The following FAAH2 variants were observed in gnomAD, a reference collection of about 807,000 sequenced individuals.
The protein encoded by FAAH2 is fatty acid amide hydrolase 2, also known as fatty-acid amide hydrolase 2.
FAAH2 carries 60 observed loss-of-function variants against 36.9 expected under a neutral mutation model. The ratio of observed to expected loss-of-function variants is 1.63; its 90% CI spans 1.32 to 2.02. The LOEUF is 2.02. Ranked by LOEUF, FAAH2 falls within the 30% of genes most tolerant of loss-of-function variation. The pLI is 0.00. For missense variants in FAAH2, 689 were observed against 397.5 expected (o/e 1.73, Z -6.23); for synonymous variants, 214 against 143.8 (o/e 1.49, Z -3.49).
chrX:57,425,564 A>G (rs2056141006), intron 7 of FAAH2, among the ~76,000 whole-genome samples: 1 of 111,885 alleles, frequency 8.9e-6, no homozygotes, highest in Non-Finnish European at 1.9e-5. Context: ...TTCTATTTCT[A>G]GAGTTCTTCA....
the FAAH2 span, among the ~76,000 whole-genome samples, chrX:57,273,350 G>T: frequency 9.0e-6 from 1 of 111,230 alleles, no homozygotes; most frequent in Non-Finnish European, 1.9e-5. Flanking sequence ...TAGACAGTTC[G>T]AGGAGACAGA....
the FAAH2 span, among the ~76,000 whole-genome samples, chrX:57,175,698 G>T: frequency 2.0e-4 from 22 of 111,043 alleles, no homozygotes; most frequent in Non-Finnish European, 3.6e-4. Context: ...GTTCTATTCT[G>T]GTCTATATTG....
chrX:57,463,746 GGAAACAACAGTTGCTGGTCAGGATGTGGA>G (rs1306121423), intron 10 of FAAH2, among the ~76,000 whole-genome samples: 1 of 111,598 alleles, frequency 9.0e-6, no homozygotes, highest in Non-Finnish European at 1.9e-5. Context: ...TAAAAAGTCT[GGAAACAACAGTTGCTGGTCAGGATGTGGA>G]GAAATAGGAA....
At chrX:57,411,214 GCTGCAAAGCGAGAC>G (rs779593662) in intron 7 of FAAH2, among the ~76,000 whole-genome samples, 51 of 111,957 alleles carry the variant, frequency 4.6e-4, no homozygotes, top group African/African-American at 1.5e-3. Flanking sequence ...TTCTCTCTAT[GCTGCAAAGCGAGAC>G]CTGGTGCTCT....
At chrX:57,384,340 C>A (rs5960264) in intron 7 of FAAH2, among the ~76,000 whole-genome samples, 44,269 of 94,070 alleles carry the variant, frequency 0.47, 12,385 homozygotes, top group Non-Finnish European at 0.7. Context: ...TAATTAAACT[C>A]AAGAGCTTCT....
chrX:57,348,774 C>A (rs1427441870), intron 5 of FAAH2, among the ~76,000 whole-genome samples: 2 of 110,517 alleles, frequency 1.8e-5, no homozygotes, highest in Non-Finnish European at 3.8e-5. Context: ...TATAGAAACA[C>A]CTTCAGGAAA....
At chrX:57,149,381 T>C in the FAAH2 span, among the ~76,000 whole-genome samples, 8 of 111,935 alleles carry the variant, frequency 7.1e-5, no homozygotes, top group African/African-American at 2.6e-4. Context: ...TGAATCCATC[T>C]GGTCCTGGAC....
At chrX:57,272,198 G>A in the FAAH2 span, among the ~76,000 whole-genome samples, 8 of 105,151 alleles carry the variant, frequency 7.6e-5, no homozygotes, top group Admixed American at 4.2e-4. Context: ...GACAAGATCA[G>A]AGAAAAAAAA....
intron 2 of FAAH2, among the ~76,000 whole-genome samples, chrX:57,295,650 G>A (rs1256629946): frequency 8.9e-6 from 1 of 112,258 alleles, no homozygotes; most frequent in Non-Finnish European, 1.9e-5. Flanking sequence ...AGCAGCAGCA[G>A]GGCGAGGCAT....
intron 7 of FAAH2, among the ~76,000 whole-genome samples, chrX:57,395,791 G>A (rs771570561): frequency 3.6e-5 from 4 of 111,798 alleles, no homozygotes; most frequent in Non-Finnish European, 7.5e-5. Context: ...TATGCACCAG[G>A]TATGTTAGCT....
rs948922481 is a variant in FAAH2, at chrX:57,476,460, C to A, written c.1424-12297C>A. Among the ~76,000 whole-genome samples, 21 of 111,391 alleles carry A rather than the reference C, an allele frequency of 1.9e-4. No individual in the cohort carries two copies. In the Admixed American group the frequency reaches 1.9e-3, roughly 10 times the overall value. ...TCTGCATCTATCATGTGGATTTTGT[C>A]ACTGGTTCTGTTTATCTGATGGATT... On this transcript the variant is annotated intron_variant, in intron 10 of 10. Coordinates refer to ENST00000374900, the MANE Select transcript of FAAH2 (RefSeq NM_174912.4).
chrX:57,359,817 G>T (rs1462615758), intron 5 of FAAH2, among the ~76,000 whole-genome samples: 1 of 111,448 alleles, frequency 9.0e-6, no homozygotes, highest in East Asian at 2.8e-4. Context: ...AGTGTCTTTT[G>T]ATTTCAACTT....
At chrX:57,466,150 CTCTCTCTATATATA>C (rs2057044172) in intron 10 of FAAH2, among the ~76,000 whole-genome samples, 1 of 75,667 alleles carries the variant, frequency 1.3e-5, no homozygotes, top group Non-Finnish European at 2.4e-5. Context: ...CTCTCTCTCT[CTCTCTCTATATATA>C]TATATATATA....
At chrX:57,444,114 G>T (rs983641070) in intron 8 of FAAH2, among the ~76,000 whole-genome samples, 1 of 111,990 alleles carries the variant, frequency 8.9e-6, no homozygotes, top group Non-Finnish European at 1.9e-5. Context: ...TGCATGCTGG[G>T]AGAACCAGTA....
the FAAH2 span, among the ~76,000 whole-genome samples, chrX:57,257,108 T>C: frequency 2.7e-5 from 3 of 112,326 alleles, no homozygotes; most frequent in Non-Finnish European, 5.6e-5. Flanking sequence ...TATAAATTAG[T>C]TCAATCATTG....
intron 3 of FAAH2, among the ~76,000 whole-genome samples, chrX:57,323,024 C>T (rs1456891614): frequency 9.1e-6 from 1 of 110,419 alleles, no homozygotes; most frequent in Non-Finnish European, 1.9e-5. Context: ...TGATGTTCCC[C>T]TTCCTGTGTC....
intron 5 of FAAH2, among the ~76,000 whole-genome samples, chrX:57,343,148 G>A (rs1012496968): frequency 4.5e-5 from 5 of 111,421 alleles, no homozygotes; most frequent in African/African-American, 1.6e-4. Flanking sequence ...TCTGGTAATG[G>A]GATCACTGGG....
At chrX:57,434,551 A>G (rs780284279) in intron 8 of FAAH2, among the ~76,000 whole-genome samples, 69 of 109,518 alleles carry the variant, frequency 6.3e-4, no homozygotes, top group Admixed American at 1.6e-3. Flanking sequence ...AGCAGAAGGA[A>G]GACTCTCGAA....
At chrX:57,328,388 T>C (rs1050558277) in intron 3 of FAAH2, among the ~76,000 whole-genome samples, 1 of 112,037 alleles carries the variant, frequency 8.9e-6, no homozygotes, top group South Asian at 3.7e-4. Flanking sequence ...TTTTATAGTA[T>C]GTTTTTCTGC....
Sources: allele counts gnomAD v4.1 joint callset (sites outside exome capture counted in the v4.1 genomes callset), GRCh38; gene constraint gnomAD v4.1.1; transcripts MANE v1.5; gene names NCBI Gene and HGNC (gene_info 2026-07-23, HGNC 2026-07-21).